Variants in ZSWIM4 observed in about 807,000 individuals in gnomAD.
The protein encoded by ZSWIM4 is zinc finger SWIM-type containing 4.
A neutral mutation model predicts 102.5 loss-of-function variants in ZSWIM4; 62 were observed. The observed-to-expected ratio is 0.60, with a 90% confidence interval of 0.49 to 0.75. ZSWIM4 has a LOEUF of 0.75. Ranked by LOEUF, ZSWIM4 falls within the 30% of genes least tolerant of loss-of-function variation. The pLI, the probability that ZSWIM4 is intolerant of heterozygous loss-of-function variation, is 0.00. For synonymous variants in ZSWIM4, 652 were observed against 674.5 expected (o/e 0.97, Z 0.52); for missense variants, 1,280 against 1,529.6 (o/e 0.84, Z 2.72).
chr19:13,810,977 G>T (rs1222933771), intron 5 of ZSWIM4, among the ~76,000 whole-genome samples: 1 of 119,148 alleles, frequency 8.4e-6, no homozygotes, highest in South Asian at 3.0e-4. Flanking sequence ...GCAGTGGCAC[G>T]ATCTCGGCTC....
chr19:13,807,023 A>C lies in ZSWIM4; in HGVS notation c.713-1813A>C, dbSNP rs1050631277. Among the ~76,000 whole-genome samples the C allele has an allele frequency of 2.0e-5, 3 of 152,050 alleles. 1 individual carries two copies. The highest frequency in any genetic ancestry group is 7.3e-5 in the African/African-American group (3 of 41,368). On this transcript the variant is annotated intron_variant, in intron 3 of 13. Coordinates refer to ENST00000590508, the MANE Select transcript of ZSWIM4 (RefSeq NM_001367834.3). Reference sequence around the variant, plus strand: ...AATGGAAGCATAGAGAGTTAGGATTAGTTATTGGGTGATAACTAATAGTTA... The same window carrying C: ...AATGGAAGCATAGAGAGTTAGGATTCGTTATTGGGTGATAACTAATAGTTA...
intron 11 of ZSWIM4, among the ~76,000 whole-genome samples, chr19:13,824,900 G>T (rs1285816114): frequency 6.6e-6 from 1 of 152,052 alleles, no homozygotes; most frequent in East Asian, 1.9e-4. Flanking sequence ...GGCAGCCAGG[G>T]CACAGAGAGG....
intron 3 of ZSWIM4, among the ~76,000 whole-genome samples, chr19:13,806,581 A>G (rs1974925027): frequency 6.6e-6 from 1 of 151,922 alleles, no homozygotes. Flanking sequence ...TGGGAGGATC[A>G]TGAGCGTGGG....
In ZSWIM4 at chr19:13,828,637, C is replaced by T. The variant is rs201547278; in HGVS notation, c.2380-8C>T. The stretch of plus-strand genomic sequence containing the variant: ...GCTAACCCCCTTCTCCCCACCCCTA[C>T]CTTGCAGGTGATGCGGATGACTCTG... On this transcript the variant is annotated splice_region_variant and splice_polypyrimidine_tract_variant and intron_variant, in intron 12 of 13. Coordinates refer to ENST00000590508, the MANE Select transcript of ZSWIM4 (RefSeq NM_001367834.3). The T allele has an allele frequency of 7.6e-5, 122 of 1,614,038 alleles. 1 individual carries two copies. The African/African-American group carries it at 1.0e-3, about 14-fold the overall frequency.
At chr19:13,820,467 C>A (rs1234298807) in intron 10 of ZSWIM4, among the ~76,000 whole-genome samples, 1 of 152,166 alleles carries the variant, frequency 6.6e-6, no homozygotes, top group Non-Finnish European at 1.5e-5. Context: ...AATTTCTGAG[C>A]TCAAGTGATC....
chr19:13,807,031 G>A (rs889369978), intron 3 of ZSWIM4, among the ~76,000 whole-genome samples: 1 of 151,902 alleles, frequency 6.6e-6, no homozygotes, highest in Non-Finnish European at 1.5e-5. Context: ...TTAGTTATTG[G>A]GTGATAACTA....
intron 2 of ZSWIM4, among the ~76,000 whole-genome samples, chr19:13,800,520 C>T (rs1054096691): frequency 6.6e-6 from 1 of 152,126 alleles, no homozygotes; most frequent in Non-Finnish European, 1.5e-5. Context: ...CCGCCTCGGC[C>T]TCCCAAAGTG....
intron 10 of ZSWIM4, among the ~76,000 whole-genome samples, chr19:13,820,614 G>A (rs1975436135): frequency 6.6e-6 from 1 of 152,286 alleles, no homozygotes; most frequent in Admixed American, 6.5e-5. Context: ...TCTTTTCTAG[G>A]CAGTTTTATC....
chr19:13,823,793 G>A (rs1171174069), intron 11 of ZSWIM4, among the ~76,000 whole-genome samples: 1 of 152,224 alleles, frequency 6.6e-6, no homozygotes, highest in Non-Finnish European at 1.5e-5. Context: ...GAACATTTAA[G>A]CAGAGACCTG....
intron 11 of ZSWIM4, among the ~76,000 whole-genome samples, chr19:13,824,484 C>A (rs955243445): frequency 1.3e-5 from 2 of 152,016 alleles, no homozygotes; most frequent in Admixed American, 1.3e-4. Context: ...GTAATCCCAG[C>A]GATTTGGGAG....
chr19:13,812,964 C>A (rs2145312971), intron 5 of ZSWIM4, 33 bp from the exon 6 acceptor site: 1 of 1,568,204 alleles, frequency 6.4e-7, no homozygotes, highest in South Asian at 1.2e-5. Flanking sequence ...CCACTGTTGG[C>A]AGGAATATTG....
chr19:13,799,646 C>T, intron 1 of ZSWIM4, 74 bp from the exon 2 acceptor site: 1 of 1,454,820 alleles, frequency 6.9e-7, no homozygotes, highest in African/African-American at 1.4e-5. Flanking sequence ...CTCAAGCGAT[C>T]CTCCCTCCTA....
chr19:13,810,244 G>A (rs558188085), intron 5 of ZSWIM4, among the ~76,000 whole-genome samples: 297 of 152,010 alleles, frequency 2.0e-3, no homozygotes, highest in African/African-American at 6.8e-3. Flanking sequence ...TGATCTACCC[G>A]CCTCAGCCTC....
At chr19:13,806,717 G>T (rs1974929497) in intron 3 of ZSWIM4, among the ~76,000 whole-genome samples, 2 of 151,956 alleles carry the variant, frequency 1.3e-5, no homozygotes, top group African/African-American at 4.8e-5. Context: ...GATTGGAGGT[G>T]AGGATGAGTG....
At position 13,805,009 on chromosome 19, in the gene ZSWIM4, G is replaced by C; in HGVS notation, c.573G>C (p.Thr191=). Residue 191 remains threonine (T), a synonymous_variant, in exon 3 of 14, where the codon ACG becomes ACC. Coordinates refer to ENST00000590508, the MANE Select transcript of ZSWIM4 (RefSeq NM_001367834.3). ...AGCTGCGGCTGCCCATCTCCGAGAC[G>C]CTCTCCCAGATGAACCGGGACCAGC... The part of the protein sequence containing the change: ...QVELRLPISE[T]LSQMNRDQLQ... 1 of 1,612,296 alleles carries C rather than the reference G, an allele frequency of 6.2e-7. No individual in the cohort carries two copies. Among genetic ancestry groups the C allele is most frequent in the Non-Finnish European group, 8.5e-7 (1 of 1,180,032 alleles).
chr19:13,830,195 G>T lies in ZSWIM4; in HGVS notation c.2466G>T (p.Pro822=), dbSNP rs139792914. 2.6e-4 allele frequency: 422 copies of T among 1,607,630 alleles called. No individual in the cohort carries two copies. The Middle Eastern group carries it at 4.6e-3, about 18-fold the overall frequency. ...CCCTCCCTCACCTCCCACCAGGCCCGCAAGCCCTGATGAATATCATGCAGA... is the reference window on the plus strand; with the variant it reads ...CCCTCCCTCACCTCCCACCAGGCCCTCAAGCCCTGATGAATATCATGCAGA... ...WLVSCATEIG[P]QALMNIMQNW... Residue 822 remains proline (P), a synonymous_variant, in exon 14 of 14, where the codon CCG becomes CCT. Transcript: ENST00000590508.
rs1975579568 is a variant in ZSWIM4, at chr19:13,825,447, A to G, written c.2216-103A>G. The G allele has an allele frequency of 2.9e-6, 4 of 1,390,150 alleles. No individual in the cohort carries two copies. Among genetic ancestry groups the G allele is most frequent in the South Asian group, 2.6e-5 (2 of 76,634 alleles). The allele number at this position is 1,390,150 out of a possible 1,614,324, so 86.1% of individuals were successfully genotyped here. ...AGTACACATCCCTCCACACTCACAC[A>G]TGTGCCCCTGGGTGGAAGGATCTGT... is the stretch of plus-strand genomic sequence containing the variant. On this transcript the variant is annotated intron_variant, in intron 11 of 13. Coordinates refer to ENST00000590508, the MANE Select transcript of ZSWIM4 (RefSeq NM_001367834.3). This position sits in a 1 kb window ranked among gnomAD's most constrained non-coding sequence, Gnocchi z 4.6.
At chr19:13,819,949 A>G (rs1975418968) in intron 10 of ZSWIM4, among the ~76,000 whole-genome samples, 1 of 150,164 alleles carries the variant, frequency 6.7e-6, no homozygotes, top group Non-Finnish European at 1.5e-5. Flanking sequence ...TCCGCCTTCC[A>G]GGTTCACACC....
At chr19:13,814,164 C>T (rs1975195719) in intron 6 of ZSWIM4, among the ~76,000 whole-genome samples, 1 of 150,506 alleles carries the variant, frequency 6.6e-6, no homozygotes, top group Non-Finnish European at 1.5e-5. Context: ...TCAAGCGATT[C>T]TCATTCCTCA....
Sources: gnomAD v4.1 joint callset for allele counts (sites outside exome capture counted in the v4.1 genomes callset) on GRCh38, gnomAD v4.1.1 for gene constraint, Gnocchi (gnomAD v3.1) non-coding constraint, MANE v1.5 for transcripts, NCBI Gene and HGNC (gene_info 2026-07-23, HGNC 2026-07-21) for gene names.